The following FMO1 variants were observed in gnomAD, a reference collection of about 807,000 sequenced individuals.
FMO1 encodes flavin containing dimethylaniline monoxygenase 1.
In FMO1, 36 loss-of-function variants were observed where a neutral mutation model predicts 45.4. The ratio of observed to expected loss-of-function variants is 0.79; its 90% confidence interval spans 0.61 to 1.05. The LOEUF is 1.05. FMO1 is among the 50% of genes least tolerant of loss of function. FMO1 has a pLI of 0.00. For missense variants in FMO1, 615 were observed against 640.3 expected, an observed-to-expected ratio of 0.96 and a Z score of 0.43; for synonymous variants, 228 against 227.2, an observed-to-expected ratio of 1.00 and a Z score of -0.03.
At chr1:171,265,986 T>C (rs1660603523) in intron 2 of FMO1, among the ~76,000 whole-genome samples, 1 of 152,254 alleles carries the variant, frequency 6.6e-6, no homozygotes, top group Non-Finnish European at 1.5e-5. Context: ...CTGATAGTGC[T>C]ACATTTTTTT....
intron 5 of FMO1, among the ~76,000 whole-genome samples, chr1:171,280,261 A>G (rs1483238403): frequency 6.6e-6 from 1 of 152,212 alleles, no homozygotes; most frequent in South Asian, 2.1e-4. Flanking sequence ...ATTGTACAGG[A>G]AACTCCTTAT....
At chr1:171,258,263 C>A in intron 2 of FMO1, 44 bp downstream of exon 2, 1 of 1,598,098 alleles carries the variant, frequency 6.3e-7, no homozygotes, top group Non-Finnish European at 8.6e-7. Context: ...TGGAGAATGG[C>A]TTGGCAGCTG....
chr1:171,277,739 T>C (rs1661167806), intron 4 of FMO1, among the ~76,000 whole-genome samples: 1 of 152,208 alleles, frequency 6.6e-6, no homozygotes, highest in Non-Finnish European at 1.5e-5. Context: ...TGGAACTTGG[T>C]TGCATCCTTG....
rs1432844375 is a variant in FMO1, at chr1:171,283,217, G to C, written c.1256+1G>C. 3 of 1,137,472 alleles carry C rather than the reference G, an allele frequency of 2.6e-6. No homozygotes were observed. Among genetic ancestry groups the C allele is most frequent in the Non-Finnish European group, 3.6e-6 (3 of 840,142 alleles). The allele number at this position is 1,137,472 out of a possible 1,614,324, so 70.5% of individuals were successfully genotyped here. The stretch of plus-strand genomic sequence containing the variant: ...CAAGGAAAGAAAACAAGCCCAGTTG[G>C]TAAGTTAACTACTTAATGCACCCTT... On this transcript the variant is annotated splice_donor_variant, in intron 8 of 8. Transcript: ENST00000617670. LOFTEE classifies it high-confidence loss of function.
At chr1:171,256,272 C>CAAA (rs34529047) in intron 1 of FMO1, among the ~76,000 whole-genome samples, 26 of 78,222 alleles carry the variant, frequency 3.3e-4, no homozygotes, top group Non-Finnish European at 4.6e-4. Flanking sequence ...GACTCCATCT[C>CAAA]AAAAAAAAAA....
intron 4 of FMO1, among the ~76,000 whole-genome samples, chr1:171,276,878 T>C (rs1382394161): frequency 6.6e-6 from 1 of 152,028 alleles, no homozygotes; most frequent in Non-Finnish European, 1.5e-5. Context: ...GTAGAAGAGG[T>C]AGGGACCCAG....
chr1:171,268,596 T>C (rs1660717616), intron 3 of FMO1, among the ~76,000 whole-genome samples: 1 of 152,046 alleles, frequency 6.6e-6, no homozygotes, highest in Non-Finnish European at 1.5e-5. Context: ...ATGAATAATA[T>C]ATCCTTTTTG....
chr1:171,275,197 C>G, intron 3 of FMO1, 149 bp from the exon 4 acceptor site: 1 of 568,252 alleles, frequency 1.8e-6, no homozygotes. Context: ...CATGATTAGT[C>G]CGGTAACCTG....
intron 3 of FMO1, chr1:171,271,203 C>A (rs1335263355): frequency 1.1e-6 from 1 of 874,842 alleles, no homozygotes; most frequent in South Asian, 1.4e-5. Context: ...ACATCTCTCC[C>A]AGTTTCTTCA....
chr1:171,273,597 T>G (rs529364460), intron 3 of FMO1, among the ~76,000 whole-genome samples: 1 of 152,266 alleles, frequency 6.6e-6, no homozygotes, highest in South Asian at 2.1e-4. Flanking sequence ...AGCCTCCACC[T>G]CCTAGGCTCA....
At chr1:171,258,592 A>G (rs1370789992) in intron 2 of FMO1, among the ~76,000 whole-genome samples, 1 of 152,174 alleles carries the variant, frequency 6.6e-6, no homozygotes, top group Non-Finnish European at 1.5e-5. Context: ...CAAGAATTTC[A>G]GCCTCTGCCT....
intron 8 of FMO1, among the ~76,000 whole-genome samples, chr1:171,284,268 A>C (rs1661525409): frequency 6.6e-6 from 1 of 152,094 alleles, no homozygotes; most frequent in Admixed American, 6.5e-5. Context: ...CCAAACTTCA[A>C]GGGTTGATCT....
intron 8 of FMO1, among the ~76,000 whole-genome samples, chr1:171,283,536 G>C (rs1284031214): frequency 6.6e-6 from 1 of 151,964 alleles, no homozygotes; most frequent in Non-Finnish European, 1.5e-5. Flanking sequence ...AATCTACCAG[G>C]TACATTATTC....
rs1446078002 is a variant in FMO1 at position 171,275,517 on chromosome 1, T to G, written c.484+9T>G. 3.1e-6 allele frequency: 5 copies of G among 1,601,774 alleles called. No individual in the cohort carries two copies. Among genetic ancestry groups the G allele is most frequent in the East Asian group, 4.5e-5 (2 of 44,528 alleles). On this transcript the variant is annotated intron_variant, in intron 4 of 8. Transcript: ENST00000617670. ...ACTGGATTCCTTTCCAGGTACAGCATTTTCTGTAACTAACTTTAAGTTTTC... is the reference window on the plus strand; with the variant it reads ...ACTGGATTCCTTTCCAGGTACAGCAGTTTCTGTAACTAACTTTAAGTTTTC...
rs189232441 is a variant in FMO1 at position 171,271,048 on chromosome 1, C to A, written c.321+3317C>A. ...TTCCTCCTCTTCCTTCTTTTTCTTGCTTTTTTCAGCCTTGATAAATCCCTT... is the reference window on the plus strand; with the variant it reads ...TTCCTCCTCTTCCTTCTTTTTCTTGATTTTTTCAGCCTTGATAAATCCCTT... On this transcript the variant is annotated intron_variant, in intron 3 of 8. Transcript: ENST00000617670. 1.0e-4 allele frequency: 106 copies of A among 1,011,828 alleles called. No individual in the cohort carries two copies. In the African/African-American group the frequency reaches 1.5e-3, roughly 14 times the overall value. 62.7% of individuals were successfully genotyped at this position (1,011,828 alleles called of 1,614,324 possible). A position where few individuals can be genotyped will look rare whatever the true frequency, so the allele number is the denominator to read the frequency against.
At chr1:171,263,277 C>G (rs1431724114) in intron 2 of FMO1, among the ~76,000 whole-genome samples, 1 of 152,188 alleles carries the variant, frequency 6.6e-6, no homozygotes, top group Non-Finnish European at 1.5e-5. Context: ...AGCTATCACT[C>G]CAATTTCTCC....
Position 171,260,441 on chromosome 1 carries a change from G to A in FMO1, c.132+2222G>A, listed in dbSNP as rs116317367. ...CCAGTGGAAGGGTTAGCCCTGGCAA[G>A]GTGGGGAGACAAGAGATACACCCTC... On this transcript the variant is annotated intron_variant, in intron 2 of 8. Coordinates refer to ENST00000617670, the MANE Select transcript of FMO1 (RefSeq NM_001282693.2). 5.3e-3 allele frequency among the ~76,000 whole-genome samples: 808 copies of A among 152,228 alleles called. 7 individuals are homozygous for A. Among genetic ancestry groups the A allele is most frequent in the Non-Finnish European group, 9.1e-3 (616 of 68,006 alleles).
intron 2 of FMO1, 89 bp downstream of exon 2, chr1:171,258,308 G>A: frequency 6.7e-7 from 1 of 1,491,880 alleles, no homozygotes; most frequent in Admixed American, 1.8e-5. Flanking sequence ...ACAAGGGTTG[G>A]TGGCCTTGAG....
intron 1 of FMO1, 135 bp downstream of exon 1, chr1:171,248,758 C>T (rs1659742827): frequency 6.6e-6 from 1 of 151,938 alleles, no homozygotes; most frequent in Non-Finnish European, 1.5e-5. Flanking sequence ...CCTGGAGGAG[C>T]TATAAAGCTA....
Sources: allele counts gnomAD v4.1 joint callset (sites outside exome capture counted in the v4.1 genomes callset), GRCh38; gene constraint gnomAD v4.1.1; transcripts MANE v1.5; gene names NCBI Gene and HGNC (gene_info 2026-07-23, HGNC 2026-07-21).